The following DPYSL4 variants were observed in gnomAD, a reference collection of about 807,000 sequenced individuals.
The protein encoded by DPYSL4 is dihydropyrimidinase-related protein 4.
A neutral mutation model predicts 63.4 loss-of-function variants in DPYSL4; 43 were observed. The ratio of observed to expected loss-of-function variants is 0.68; its 90% confidence interval spans 0.53 to 0.88. The LOEUF (loss-of-function observed/expected upper bound fraction) is 0.88, where lower values mean the gene tolerates loss of function less well. DPYSL4 is among the 40% of genes least tolerant of loss of function. The probability of loss-of-function intolerance (pLI) is 0.00; values close to 1 mark genes in which losing one functional copy is unlikely to be tolerated. For synonymous variants in DPYSL4, 353 were observed against 331.7 expected (o/e 1.06, Z -0.70); for missense variants, 733 against 819.5 (o/e 0.89, Z 1.29).
At chr10:132,198,268 A>G in intron 6 of DPYSL4, 147 bp from the exon 7 acceptor site, 1 of 696,578 alleles carries the variant, frequency 1.4e-6, no homozygotes, top group South Asian at 1.8e-5. Context: ...TCTGCCCTCT[A>G]TTCTGAGTGT....
rs752062643 is a variant in DPYSL4 at position 132,202,088 on chromosome 10, A to G, written c.1253A>G (p.Lys418Arg). Reference protein sequence around the residue: ...DLVIWNPKATKIISAKTHNLN... With the variant: ...DLVIWNPKATRIISAKTHNLN... Reference sequence around the variant, plus strand: ...GTCATATGGAACCCCAAGGCCACCAAGATCATCTCTGCCAAGACCCACAAT... The same window carrying G: ...GTCATATGGAACCCCAAGGCCACCAGGATCATCTCTGCCAAGACCCACAAT... The change falls in exon 11 of 14, where the codon AAG becomes AGG. Residue 418 changes from lysine to arginine, a missense_variant. Coordinates refer to ENST00000338492, the MANE Select transcript of DPYSL4 (RefSeq NM_006426.3). 8.7e-6 allele frequency: 14 copies of G among 1,613,068 alleles called. No individual in the cohort carries two copies. Among genetic ancestry groups the G allele is most frequent in the Non-Finnish European group, 1.2e-5 (14 of 1,179,898 alleles).
In DPYSL4 at chr10:132,204,877, CAGA is replaced by C. The variant is rs1565048720; in HGVS notation, c.1670_1672del (p.Lys557del). On this transcript the variant is annotated inframe_deletion, in exon 14 of 14. Coordinates refer to ENST00000338492, the MANE Select transcript of DPYSL4 (RefSeq NM_006426.3). ...TGACCACATCGCCCGACGCACAGCACAGAAGATCATGGCACCACCTGGCGGCCG... is the reference window on the plus strand; with the variant it reads ...TGACCACATCGCCCGACGCACAGCACAGATCATGGCACCACCTGGCGGCCG... 6 of 1,612,986 alleles carry C rather than the reference CAGA, an allele frequency of 3.7e-6. No homozygotes were observed. Among genetic ancestry groups the C allele is most frequent in the African/African-American group, 1.3e-5 (1 of 75,022 alleles).
intron 13 of DPYSL4, among the ~76,000 whole-genome samples, chr10:132,204,156 C>T (rs555031982): frequency 3.3e-4 from 51 of 152,352 alleles, no homozygotes; most frequent in African/African-American, 1.2e-3. Context: ...TGAACCCTCA[C>T]CTTCAAGACA....
chr10:132,198,780 TC>T (rs1425439840), intron 7 of DPYSL4, 70 bp from the exon 8 acceptor site: 9 of 1,578,948 alleles, frequency 5.7e-6, no homozygotes, highest in Non-Finnish European at 7.8e-6. Context: ...CACCTGGGCA[TC>T]CCCATTGCCC....
chr10:132,187,268 A>G (rs1451831447), intron 1 of DPYSL4, among the ~76,000 whole-genome samples, 166 bp downstream of exon 1: 5 of 151,074 alleles, frequency 3.3e-5, no homozygotes, highest in African/African-American at 7.3e-5. Flanking sequence ...TTCGCGCCCC[A>G]GGGTCCGAGA....
At position 132,198,935 on chromosome 10, in the gene DPYSL4, G is replaced by A. The variant is rs1269699655; in HGVS notation, c.775G>A (p.Gly259Arg). The A allele has an allele frequency of 2.5e-6, 4 of 1,612,798 alleles. No individual in the cohort carries two copies. In the South Asian group the frequency reaches 3.3e-5, roughly 13 times the overall value. Residue 259 changes from glycine to arginine, a missense_variant, in exon 8 of 14, where the codon GGG (glycine) becomes AGG (arginine). Transcript: ENST00000338492. ...GTACGTCACCAAGGTGATGAGCAAG[G>A]GGGCGGCCGACGCCATCGCTCAGGC... ...PLYVTKVMSKGAADAIAQAKR... is the reference protein window; with the variant it reads ...PLYVTKVMSKRAADAIAQAKR...
chr10:132,194,850 C>T lies in DPYSL4; in HGVS notation c.319C>T (p.His107Tyr). 6.2e-7 allele frequency: 1 copy of T among 1,612,298 alleles called. No homozygotes were observed. Among genetic ancestry groups the T allele is most frequent in the Non-Finnish European group, 8.5e-7 (1 of 1,179,576 alleles). ...TGACCATGCTGCCTTCACAGTGGAC[C>T]ACGTCTTCCCCGACACGGGTGTGAG... The part of the protein sequence containing the change: ...LAGGTTMILD[H>Y]VFPDTGVSLL... Residue 107 changes from histidine to tyrosine, a missense_variant, in exon 4 of 14, where the codon CAC becomes TAC. Coordinates refer to ENST00000338492, the MANE Select transcript of DPYSL4 (RefSeq NM_006426.3).
intron 1 of DPYSL4, 147 bp from the exon 2 acceptor site, chr10:132,190,600 T>C: frequency 1.5e-6 from 1 of 684,084 alleles, no homozygotes; most frequent in East Asian, 3.0e-5. Context: ...TGGGGAATAG[T>C]AAGCCGCTGC....
Position 132,200,283 on chromosome 10 carries a change from G to A in DPYSL4, c.812-73G>A, listed in dbSNP as rs1937505185. On this transcript the variant is annotated intron_variant, in intron 8 of 13. Transcript: ENST00000338492. ...AAGTGAGGGGCAGTCGTGGGTGTCA[G>A]CAGCAGCAGTTCTCGGGGCCCCAGG... 1.2e-5 allele frequency: 18 copies of A among 1,557,218 alleles called. 1 individual carries two copies. In the Admixed American group the frequency reaches 2.7e-4, roughly 24 times the overall value.
chr10:132,203,574 G>A (rs1246476743), intron 12 of DPYSL4, 188 bp from the exon 13 acceptor site: 4 of 591,072 alleles, frequency 6.8e-6, no homozygotes, highest in South Asian at 4.2e-5. Context: ...AAGGAGGGAG[G>A]CGTGTGTGAA....
intron 7 of DPYSL4, 130 bp from the exon 8 acceptor site, chr10:132,198,721 G>A (rs1590100617): frequency 5.7e-6 from 8 of 1,400,228 alleles, no homozygotes; most frequent in Non-Finnish European, 7.7e-6. Flanking sequence ...TGAGCCCGAG[G>A]CTGGGCCGCT....
At chr10:132,195,692 G>A (rs973431238) in intron 4 of DPYSL4, among the ~76,000 whole-genome samples, 8 of 152,168 alleles carry the variant, frequency 5.3e-5, no homozygotes, top group South Asian at 2.1e-4. Flanking sequence ...AGAGGGTGAC[G>A]GTCATCACAT....
intron 1 of DPYSL4, among the ~76,000 whole-genome samples, chr10:132,187,340 G>GGCCCT (rs1213313149): frequency 7.1e-5 from 2 of 28,316 alleles, no homozygotes; most frequent in African/African-American, 2.3e-4. Flanking sequence ...GGCCCGGCCC[G>GGCCCT]GCCCTGCCCG....
chr10:132,198,375 C>A, intron 6 of DPYSL4, 40 bp from the exon 7 acceptor site: 2 of 1,579,608 alleles, frequency 1.3e-6, no homozygotes, highest in South Asian at 1.2e-5. Context: ...CCCAGGCTCC[C>A]TTCAGGGCTT....
chr10:132,201,703 G>A (rs779869597), intron 10 of DPYSL4, among the ~76,000 whole-genome samples: 9 of 152,242 alleles, frequency 5.9e-5, no homozygotes, highest in Non-Finnish European at 8.8e-5. Context: ...TCTAGTGCCC[G>A]TCTTCACGGG....
intron 3 of DPYSL4, among the ~76,000 whole-genome samples, chr10:132,194,337 C>T (rs1024008327): frequency 1.2e-4 from 19 of 152,244 alleles, no homozygotes; most frequent in African/African-American, 4.6e-4. Context: ...GGTGGGGCAG[C>T]AGCATGATGG....
intron 3 of DPYSL4, 36 bp from the exon 4 acceptor site, chr10:132,194,809 C>T (rs2061920653): frequency 6.2e-7 from 1 of 1,601,654 alleles, no homozygotes; most frequent in Admixed American, 1.7e-5. Context: ...AACCAGGGAC[C>T]AGTGGGGGAA....
intron 3 of DPYSL4, 91 bp downstream of exon 3, chr10:132,192,933 C>T (rs768643637): frequency 1.2e-4 from 156 of 1,326,486 alleles, no homozygotes; most frequent in Non-Finnish European, 1.1e-4. Flanking sequence ...GGAGTGTCGC[C>T]TAAAGGTGCC....
chr10:132,191,266 C>T (rs973714180), intron 2 of DPYSL4, among the ~76,000 whole-genome samples: 4 of 118,802 alleles, frequency 3.4e-5, no homozygotes, highest in African/African-American at 6.2e-5. Context: ...CGTGTGTACA[C>T]GCTGGCCACG....
Sources: allele counts gnomAD v4.1 joint callset (sites outside exome capture counted in the v4.1 genomes callset), GRCh38; gene constraint gnomAD v4.1.1; transcripts MANE v1.5; gene names NCBI Gene and HGNC (gene_info 2026-07-23, HGNC 2026-07-21).